PTPRG: variants seen among roughly 807,000 people sequenced by gnomAD.
PTPRG encodes the protein receptor-type tyrosine-protein phosphatase gamma.
In PTPRG, 102 loss-of-function variants were observed where a neutral mutation model predicts 165.3. That is an observed-to-expected ratio of 0.62 (90% CI 0.53 to 0.73). PTPRG has a LOEUF of 0.73. Ranked by LOEUF, PTPRG falls within the 30% of genes least tolerant of loss-of-function variation. The pLI, the probability that PTPRG is intolerant of heterozygous loss-of-function variation, is 0.00. For missense variants in PTPRG, 1,866 were observed against 1,861.4 expected, an observed-to-expected ratio of 1.00 and a Z score of -0.05; for synonymous variants, 675 against 669.5, an observed-to-expected ratio of 1.01 and a Z score of -0.13.
chr3:62,000,004 T>TC (rs1193443594), intron 3 of PTPRG, among the ~76,000 whole-genome samples: 7 of 151,864 alleles, frequency 4.6e-5, no homozygotes, highest in South Asian at 2.1e-4. Flanking sequence ...ACTTAAGATC[T>TC]CCCCCCCAGG....
At chr3:62,082,577 T>G (rs1701618314) in intron 5 of PTPRG, among the ~76,000 whole-genome samples, 1 of 152,198 alleles carries the variant, frequency 6.6e-6, no homozygotes, top group Non-Finnish European at 1.5e-5. Flanking sequence ...GTGTTCCCAT[T>G]GCAACAAAAT....
intron 2 of PTPRG, among the ~76,000 whole-genome samples, chr3:61,763,282 G>T (rs990788458): frequency 2.6e-5 from 4 of 151,556 alleles, no homozygotes; most frequent in African/African-American, 9.7e-5. Context: ...CTGTTGCCCA[G>T]GCTGGAGTGC....
At chr3:62,220,862 C>T (rs926636199) in intron 13 of PTPRG, among the ~76,000 whole-genome samples, 1 of 152,106 alleles carries the variant, frequency 6.6e-6, no homozygotes, top group East Asian at 1.9e-4. Flanking sequence ...AGAGAAGTCC[C>T]ACAGCTGCCA....
At chr3:61,919,602 A>G (rs1392592921) in intron 2 of PTPRG, among the ~76,000 whole-genome samples, 1 of 152,162 alleles carries the variant, frequency 6.6e-6, no homozygotes, top group African/African-American at 2.4e-5. Flanking sequence ...GAAGATGGAC[A>G]AATGGGAATG....
chr3:62,025,700 A>G (rs1377530889), intron 4 of PTPRG, among the ~76,000 whole-genome samples: 4 of 152,196 alleles, frequency 2.6e-5, no homozygotes, highest in Non-Finnish European at 5.9e-5. Context: ...TCTTTTATGA[A>G]CTAATGTAAA....
intron 1 of PTPRG, among the ~76,000 whole-genome samples, chr3:61,608,655 T>G (rs990271115): frequency 9.2e-5 from 14 of 152,224 alleles, no homozygotes; most frequent in African/African-American, 7.2e-5. Flanking sequence ...AGCCTGCCTT[T>G]CCTTTGGACT....
At chr3:61,757,534 T>C (rs688145) in intron 2 of PTPRG, among the ~76,000 whole-genome samples, 1 of 152,010 alleles carries the variant, frequency 6.6e-6, no homozygotes, top group Non-Finnish European at 1.5e-5. Flanking sequence ...TGGCATTTCA[T>C]TTTTTTATAA....
chr3:62,018,706 C>T (rs2041610698), intron 4 of PTPRG, among the ~76,000 whole-genome samples: 1 of 152,098 alleles, frequency 6.6e-6, no homozygotes, highest in Non-Finnish European at 1.5e-5. Flanking sequence ...TCAAGGCATC[C>T]CTTGGAATAG....
chr3:62,287,490 A>AAAATACATTAATTCATGAAACT (rs1251101838), intron 28 of PTPRG, among the ~76,000 whole-genome samples: 1 of 152,172 alleles, frequency 6.6e-6, no homozygotes, highest in Non-Finnish European at 1.5e-5. Flanking sequence ...TAAGAATGAG[A>AAAATACATTAATTCATGAAACT]AAATACATTA....
intron 4 of PTPRG, among the ~76,000 whole-genome samples, chr3:62,069,977 C>A (rs914052672): frequency 6.6e-6 from 1 of 152,028 alleles, no homozygotes; most frequent in Non-Finnish European, 1.5e-5. Flanking sequence ...AAAATACTTT[C>A]ACAAAAAATA....
chr3:61,566,449 C>T (rs190531296), intron 1 of PTPRG, among the ~76,000 whole-genome samples: 1 of 152,348 alleles, frequency 6.6e-6, no homozygotes, highest in East Asian at 1.9e-4. Flanking sequence ...ACTTAAAATG[C>T]CCTAGAGTAG....
At position 61,748,910 on chromosome 3, in the gene PTPRG, G is replaced by A. The variant is rs754714757; in HGVS notation, c.118G>A (p.Glu40Lys). 5.0e-6 allele frequency: 8 copies of A among 1,613,612 alleles called. No individual in the cohort carries two copies. Among genetic ancestry groups the A allele is most frequent in the South Asian group, 4.4e-5 (4 of 91,040 alleles). Residue 40 changes from glutamate (E) to lysine (K), a missense_variant, in exon 2 of 30, where the codon GAG (glutamate) becomes AAG (lysine). Physicochemically the swap from Glu to Lys is moderately conservative, Grantham distance 56 (BLOSUM62 1). Around this residue, in one of 3 missense-constraint regions of PTPRG, gnomAD observed 408 missense variants for 376.2 expected, o/e 1.08. Transcript: ENST00000474889. ...LTEGYVGALHENRHGSAVQIR... is the reference protein window; with the variant it reads ...LTEGYVGALHKNRHGSAVQIR... ...AGAAGGCTACGTTGGGGCCCTGCAC[G>A]AGAATAGACACGGCAGCGCAGTGCA...
intron 2 of PTPRG, among the ~76,000 whole-genome samples, chr3:61,910,345 C>T (rs2038769536): frequency 6.6e-6 from 1 of 152,176 alleles, no homozygotes; most frequent in Non-Finnish European, 1.5e-5. Context: ...TTGCTCTGCA[C>T]CATCTCTGTT....
At chr3:61,988,365 G>C (rs1279197365) in intron 2 of PTPRG, among the ~76,000 whole-genome samples, 1 of 152,158 alleles carries the variant, frequency 6.6e-6, no homozygotes, top group Non-Finnish European at 1.5e-5. Context: ...ACTGTGAGCT[G>C]TTACCAGTTT....
chr3:61,889,937 G>T (rs1319722236), intron 2 of PTPRG, among the ~76,000 whole-genome samples: 3 of 152,198 alleles, frequency 2.0e-5, no homozygotes, highest in Admixed American at 6.5e-5. Context: ...CAGAGAAACG[G>T]ATGATGGGGG....
intron 15 of PTPRG, among the ~76,000 whole-genome samples, chr3:62,251,295 G>C (rs1332383307): frequency 6.6e-6 from 1 of 152,194 alleles, no homozygotes; most frequent in Non-Finnish European, 1.5e-5. Context: ...TGAGGTGGAA[G>C]GATTGCTTGA....
intron 12 of PTPRG, among the ~76,000 whole-genome samples, chr3:62,218,551 T>C (rs981548053): frequency 1.3e-5 from 2 of 152,182 alleles, no homozygotes; most frequent in Non-Finnish European, 2.9e-5. Flanking sequence ...GGTCATGTTC[T>C]TGGGGTAAGG....
intron 4 of PTPRG, among the ~76,000 whole-genome samples, chr3:62,062,234 G>GTT (rs34375661): frequency 0.66 from 100,607 of 151,318 alleles, 34,633 homozygotes; most frequent in South Asian, 0.86. Context: ...GGGAGGTGGA[G>GTT]GTTGCTGTGA....
chr3:61,780,283 C>A (rs2034506726), intron 2 of PTPRG, among the ~76,000 whole-genome samples: 1 of 152,144 alleles, frequency 6.6e-6, no homozygotes, highest in African/African-American at 2.4e-5. Flanking sequence ...GGAGGGATCA[C>A]TTTTTGAAGC....
Sources: gnomAD v4.1 joint callset for allele counts (sites outside exome capture counted in the v4.1 genomes callset) on GRCh38, gnomAD v4.1.1 for gene constraint, gnomAD v4.1.1 regional missense constraint, MANE v1.5 for transcripts, NCBI Gene and HGNC (gene_info 2026-07-23, HGNC 2026-07-21) for gene names.